Variants in GFRA2 observed in about 807,000 individuals in gnomAD.
GFRA2 encodes the protein GDNF family receptor alpha 2, also known as GDNF family receptor alpha-2.
Under a neutral mutation model 48.3 loss-of-function variants are expected in GFRA2, and 17 were observed. The observed-to-expected ratio is 0.35, with a 90% CI of 0.24 to 0.53. The LOEUF is 0.53. Among genes scored for constraint, GFRA2 ranks in the 20% least tolerant of loss-of-function variants. The pLI is 0.93. For synonymous variants in GFRA2, 305 were observed against 257.2 expected (o/e 1.19, Z -1.78); for missense variants, 660 against 637.3 (o/e 1.04, Z -0.38).
At chr8:21,707,200 C>T (rs1430988838) in intron 4 of GFRA2, among the ~76,000 whole-genome samples, 1 of 152,234 alleles carries the variant, frequency 6.6e-6, no homozygotes, top group Non-Finnish European at 1.5e-5. Context: ...GACAAGCTAG[C>T]TGCAGGATGG....
At chr8:21,754,326 G>GT (rs1200310229) in intron 3 of GFRA2, among the ~76,000 whole-genome samples, 1 of 152,106 alleles carries the variant, frequency 6.6e-6, no homozygotes, top group African/African-American at 2.4e-5. Flanking sequence ...CTATTTTACA[G>GT]TAAGTGCTCA....
At chr8:21,738,605 C>G (rs1804599783) in intron 4 of GFRA2, among the ~76,000 whole-genome samples, 1 of 152,140 alleles carries the variant, frequency 6.6e-6, no homozygotes, top group Admixed American at 6.5e-5. Context: ...GAGTCCACGG[C>G]TTTGTGAGCT....
intron 3 of GFRA2, among the ~76,000 whole-genome samples, chr8:21,757,026 G>A (rs10105234): frequency 1.3e-5 from 2 of 152,074 alleles, no homozygotes; most frequent in Non-Finnish European, 2.9e-5. Flanking sequence ...CTCCAAAACC[G>A]CAGTTAAGTC....
At chr8:21,780,056 CTTT>C (rs147236279) in intron 2 of GFRA2, among the ~76,000 whole-genome samples, 2 of 145,640 alleles carry the variant, frequency 1.4e-5, no homozygotes, top group East Asian at 4.0e-4. Context: ...CCTCTCCCAT[CTTT>C]TTTTTTTTTT....
chr8:21,707,857 G>A (rs901446899), intron 4 of GFRA2, among the ~76,000 whole-genome samples: 1 of 152,200 alleles, frequency 6.6e-6, no homozygotes, highest in Non-Finnish European at 1.5e-5. Flanking sequence ...TTTCTGTTAT[G>A]TGTATTTTAC....
chr8:21,706,128 T>G, intron 4 of GFRA2, 87 bp from the exon 5 acceptor site: 5 of 812,050 alleles, frequency 6.2e-6, no homozygotes, highest in Non-Finnish European at 1.0e-5. Flanking sequence ...TGGCATCTCC[T>G]CCCTGCAGCT....
Position 21,752,163 on chromosome 8 carries a change from A to T in GFRA2, c.440-1221T>A, listed in dbSNP as rs146399579. ...CTAGACCATTCCCATCAGCTATTAC[A>T]TCACCCATCTTCAATTAAAAAAAGA... On this transcript the variant is annotated intron_variant, in intron 3 of 8. Transcript: ENST00000524240. 4.1e-3 allele frequency among the ~76,000 whole-genome samples: 622 copies of T among 151,802 alleles called. 1 individual carries two copies. The highest frequency in any genetic ancestry group is 0.014 in the African/African-American group (598 of 41,340).
In GFRA2 at chr8:21,775,668, T is replaced by A. The variant is rs569668559; in HGVS notation, c.356-613A>T. Among the ~76,000 whole-genome samples the A allele has an allele frequency of 5.9e-5, 9 of 152,256 alleles. No individual in the cohort carries two copies. In the South Asian group the frequency reaches 1.9e-3, roughly 32 times the overall value. On this transcript the variant is annotated intron_variant, in intron 2 of 8. Coordinates refer to ENST00000524240, the MANE Select transcript of GFRA2 (RefSeq NM_001495.5). Reference sequence around the variant, plus strand: ...GCCCCCCATCGTGTCACCAGGAGAATCTTGCTGGAGGGGCTGAAGGTCTGC... The same window carrying A: ...GCCCCCCATCGTGTCACCAGGAGAAACTTGCTGGAGGGGCTGAAGGTCTGC...
chr8:21,772,231 C>G (rs1276313647), intron 3 of GFRA2, among the ~76,000 whole-genome samples: 1 of 152,138 alleles, frequency 6.6e-6, no homozygotes, highest in African/African-American at 2.4e-5. Context: ...GCATTGGAAC[C>G]GCCTCCCAGC....
At chr8:21,723,530 A>C (rs1803704006) in intron 4 of GFRA2, among the ~76,000 whole-genome samples, 1 of 152,242 alleles carries the variant, frequency 6.6e-6, no homozygotes. Flanking sequence ...GAGATTCCCC[A>C]GAGAGCCTGG....
intron 3 of GFRA2, among the ~76,000 whole-genome samples, chr8:21,762,861 T>C (rs1220343326): frequency 6.6e-6 from 1 of 152,206 alleles, no homozygotes; most frequent in South Asian, 2.1e-4. Flanking sequence ...TCATACAAAA[T>C]TCCCACAATG....
intron 1 of GFRA2, among the ~76,000 whole-genome samples, chr8:21,807,016 T>C (rs1807885467): frequency 6.6e-6 from 1 of 152,200 alleles, no homozygotes. Context: ...TTGTATCTCT[T>C]GTACCTAACG....
At chr8:21,703,223 T>C (rs1802571758) in intron 6 of GFRA2, among the ~76,000 whole-genome samples, 1 of 151,740 alleles carries the variant, frequency 6.6e-6, no homozygotes, top group Admixed American at 6.6e-5. Flanking sequence ...GCAAGAAGTG[T>C]ACATGATGGG....
chr8:21,749,748 G>T (rs2117589252), intron 4 of GFRA2, among the ~76,000 whole-genome samples: 1 of 151,546 alleles, frequency 6.6e-6, no homozygotes, highest in East Asian at 2.0e-4. Flanking sequence ...GTGAGGAATG[G>T]GTCCTGGAGT....
chr8:21,776,264 G>A (rs936929821), intron 2 of GFRA2, among the ~76,000 whole-genome samples: 7 of 152,020 alleles, frequency 4.6e-5, no homozygotes, highest in Non-Finnish European at 1.0e-4. Flanking sequence ...CAGGCTCACC[G>A]AGCAAGGAGG....
chr8:21,787,309 T>C (rs1247289877), intron 1 of GFRA2, among the ~76,000 whole-genome samples: 2 of 151,034 alleles, frequency 1.3e-5, no homozygotes, highest in Admixed American at 6.6e-5. Context: ...GTGGTCTTTG[T>C]TCAGACCCGT....
At chr8:21,784,338 C>G (rs1339752330) in intron 1 of GFRA2, 3 of 456,090 alleles carry the variant, frequency 6.6e-6, no homozygotes, top group African/African-American at 6.0e-5. Context: ...ACTGCCCTTT[C>G]CTGGACCGAA....
intron 4 of GFRA2, among the ~76,000 whole-genome samples, chr8:21,717,771 G>A (rs2117429779): frequency 6.6e-6 from 1 of 152,284 alleles, no homozygotes; most frequent in Admixed American, 6.5e-5. Flanking sequence ...GCAGGTTGGA[G>A]AAAGAGCCTA....
intron 4 of GFRA2, among the ~76,000 whole-genome samples, chr8:21,729,063 G>C (rs1055417432): frequency 3.3e-5 from 5 of 152,214 alleles, no homozygotes; most frequent in Non-Finnish European, 5.9e-5. Flanking sequence ...ACCCAGGCCT[G>C]GAAAACAAGG....
Sources: allele counts gnomAD v4.1 joint callset (sites outside exome capture counted in the v4.1 genomes callset), GRCh38; gene constraint gnomAD v4.1.1; transcripts MANE v1.5; gene names NCBI Gene and HGNC (gene_info 2026-07-23, HGNC 2026-07-21).